MAP3K20: variants seen among roughly 807,000 people sequenced by gnomAD.
MAP3K20 encodes mitogen-activated protein kinase kinase kinase 20.
Under a neutral mutation model 85.7 loss-of-function variants are expected in MAP3K20, and 40 were observed. The ratio of observed to expected loss-of-function variants is 0.47; its 90% CI spans 0.36 to 0.61. The LOEUF is 0.61. Ranked by LOEUF, MAP3K20 falls within the 20% of genes least tolerant of loss-of-function variation. The probability of loss-of-function intolerance (pLI) is 0.00; values close to 1 mark genes in which losing one functional copy is unlikely to be tolerated. For missense variants in MAP3K20, 817 were observed against 961.7 expected, an observed-to-expected ratio of 0.85 and a Z score of 1.99; for synonymous variants, 325 against 327.7, an observed-to-expected ratio of 0.99 and a Z score of 0.09.
At chr2:173,167,058 G>T (rs1000896846) in intron 2 of MAP3K20, among the ~76,000 whole-genome samples, 1 of 151,752 alleles carries the variant, frequency 6.6e-6, no homozygotes, top group Non-Finnish European at 1.5e-5. Flanking sequence ...GACTACAGGC[G>T]CCCGCTACCA....
intron 16 of MAP3K20, among the ~76,000 whole-genome samples, 196 bp downstream of exon 16, chr2:173,239,692 AG>A (rs1684736219): frequency 6.6e-6 from 1 of 152,226 alleles, no homozygotes; most frequent in African/African-American, 2.4e-5. Context: ...TTACTTTCTC[AG>A]TCAGCTGAAG....
chr2:173,251,379 T>C (rs1307190580), intron 16 of MAP3K20, among the ~76,000 whole-genome samples: 1 of 152,174 alleles, frequency 6.6e-6, no homozygotes, highest in Non-Finnish European at 1.5e-5. Context: ...AGCTTAGATT[T>C]GGCATGCGTG....
At chr2:173,106,766 A>G (rs944946207) in intron 2 of MAP3K20, among the ~76,000 whole-genome samples, 3 of 152,148 alleles carry the variant, frequency 2.0e-5, no homozygotes, top group South Asian at 2.1e-4. Context: ...CTCATAAGGT[A>G]TAGGAACAGG....
rs117458678 is a variant in MAP3K20, at chr2:173,263,735, G to T, written c.1552-10G>T. 6.2e-7 allele frequency: 1 copy of T among 1,600,260 alleles called. No homozygotes were observed. Among genetic ancestry groups the T allele is most frequent in the South Asian group, 1.1e-5 (1 of 88,126 alleles). The stretch of plus-strand genomic sequence containing the variant: ...TTTTTTTTGTCTTTTTCGTTTGTTT[G>T]TTTTACCAGAGTGATGTTAGAACTC... On this transcript the variant is annotated splice_polypyrimidine_tract_variant and intron_variant, in intron 18 of 19. Transcript: ENST00000375213.
At chr2:173,173,194 G>C (rs967483287) in intron 3 of MAP3K20, among the ~76,000 whole-genome samples, 2 of 122,410 alleles carry the variant, frequency 1.6e-5, no homozygotes, top group Non-Finnish European at 3.7e-5. Flanking sequence ...GTGTGTGTGT[G>C]TGTCTGTGTA....
At chr2:173,088,549 G>A (rs555534800) in intron 1 of MAP3K20, among the ~76,000 whole-genome samples, 1 of 152,328 alleles carries the variant, frequency 6.6e-6, no homozygotes, top group South Asian at 2.1e-4. Context: ...GAAATTAGTT[G>A]CGTCTAGAGA....
At chr2:173,247,616 A>T (rs75763865) in intron 16 of MAP3K20, among the ~76,000 whole-genome samples, 4,191 of 152,324 alleles carry the variant, frequency 0.028, 204 homozygotes, top group African/African-American at 0.095. Context: ...AGTTCTAGAG[A>T]TCTACTGTAC....
chr2:173,087,921 A>G (rs1687186579), intron 1 of MAP3K20, among the ~76,000 whole-genome samples: 1 of 152,206 alleles, frequency 6.6e-6, no homozygotes, highest in African/African-American at 2.4e-5. Flanking sequence ...AGGTTCTCAC[A>G]GAGGAAAAAG....
chr2:173,097,398 C>A (rs1687494849), intron 2 of MAP3K20, among the ~76,000 whole-genome samples: 1 of 152,032 alleles, frequency 6.6e-6, no homozygotes, highest in Non-Finnish European at 1.5e-5. Context: ...TTAATCACAG[C>A]AACTTATTTG....
At chr2:173,232,564 C>T (rs756637204) in intron 14 of MAP3K20, 105 bp downstream of exon 14, 10 of 1,518,356 alleles carry the variant, frequency 6.6e-6, no homozygotes, top group Non-Finnish European at 8.9e-6. Context: ...AGTGCAAAGG[C>T]ACAATCTTGG....
intron 2 of MAP3K20, among the ~76,000 whole-genome samples, chr2:173,098,952 C>T (rs1265873266): frequency 6.6e-6 from 1 of 152,200 alleles, no homozygotes; most frequent in Non-Finnish European, 1.5e-5. Flanking sequence ...TGTGTTTTAA[C>T]CAGCTTTCTA....
At chr2:173,097,336 A>G (rs1687492473) in intron 2 of MAP3K20, among the ~76,000 whole-genome samples, 1 of 152,230 alleles carries the variant, frequency 6.6e-6, no homozygotes, top group African/African-American at 2.4e-5. Flanking sequence ...AGCCTGGGCT[A>G]CAGAGTGAGA....
intron 14 of MAP3K20, 131 bp downstream of exon 14, chr2:173,232,590 G>A (rs1026141899): frequency 2.7e-5 from 36 of 1,351,644 alleles, no homozygotes; most frequent in Non-Finnish European, 3.0e-5. Context: ...TGCACCCTCC[G>A]CCTCCTGGGT....
At chr2:173,156,271 C>G (rs999420498) in intron 2 of MAP3K20, among the ~76,000 whole-genome samples, 2 of 152,262 alleles carry the variant, frequency 1.3e-5, no homozygotes, top group Admixed American at 6.5e-5. Context: ...GTTTAAAGCA[C>G]TGTTATTTTG....
At chr2:173,175,089 C>T (rs895108502) in intron 3 of MAP3K20, among the ~76,000 whole-genome samples, 1 of 152,150 alleles carries the variant, frequency 6.6e-6, no homozygotes, top group Non-Finnish European at 1.5e-5. Flanking sequence ...CCCCTCCCTA[C>T]TTCCCTCCCT....
intron 2 of MAP3K20, among the ~76,000 whole-genome samples, chr2:173,163,629 C>T (rs1256720180): frequency 3.9e-5 from 6 of 152,098 alleles, no homozygotes; most frequent in Non-Finnish European, 1.5e-5. Flanking sequence ...TATGTATGTA[C>T]CACATTTTCT....
intron 3 of MAP3K20, 52 bp downstream of exon 3, chr2:173,169,944 T>C (rs760069214): frequency 2.2e-5 from 33 of 1,501,398 alleles, no homozygotes; most frequent in Non-Finnish European, 3.0e-5. Context: ...TAGCTTTAGA[T>C]TCCTTAATAT....
chr2:173,242,450 G>A (rs747122355), intron 16 of MAP3K20, among the ~76,000 whole-genome samples: 21 of 151,956 alleles, frequency 1.4e-4, no homozygotes, highest in Non-Finnish European at 2.8e-4. Flanking sequence ...TTACAGGCGT[G>A]AGCAACTGCG....
At position 173,172,950 on chromosome 2, in the gene MAP3K20, A is replaced by C. The variant is rs572551051; in HGVS notation, c.247+3058A>C. On this transcript the variant is annotated intron_variant, in intron 3 of 19. Transcript: ENST00000375213. ...ATAGCTGGGACTACAGGCGTGCGCC[A>C]CCATGCCCAGCTAATTTTTGTATTT... is the stretch of plus-strand genomic sequence containing the variant. Among the ~76,000 whole-genome samples, 3 of 152,154 alleles carry C rather than the reference A, an allele frequency of 2.0e-5. No homozygotes were observed. In the East Asian group the frequency reaches 5.8e-4, roughly 29 times the overall value.
Sources: gnomAD v4.1 joint callset for allele counts (sites outside exome capture counted in the v4.1 genomes callset) on GRCh38, gnomAD v4.1.1 for gene constraint, MANE v1.5 for transcripts, NCBI Gene and HGNC (gene_info 2026-07-23, HGNC 2026-07-21) for gene names.